MIS18A: variants seen among roughly 807,000 people sequenced by gnomAD.
MIS18A encodes MIS18 kinetochore protein A.
MIS18A carries 14 observed loss-of-function variants against 25.0 expected under a neutral mutation model. That is an observed-to-expected ratio of 0.56 (90% confidence interval 0.37 to 0.88). The LOEUF (loss-of-function observed/expected upper bound fraction) is 0.88, where lower values mean the gene tolerates loss of function less well. Ranked by LOEUF, MIS18A falls within the 40% of genes least tolerant of loss-of-function variation. The pLI is 0.00. For synonymous variants in MIS18A, 134 were observed against 118.6 expected, an observed-to-expected ratio of 1.13 and a Z score of -0.84; for missense variants, 292 against 290.8, an observed-to-expected ratio of 1.00 and a Z score of -0.03.
At chr21:32,257,489 G>C in the MIS18A span, among the ~76,000 whole-genome samples, 1 of 152,260 alleles carries the variant, frequency 6.6e-6, no homozygotes, top group South Asian at 2.1e-4. Flanking sequence ...TTGTGGTCTT[G>C]GTTCTCTAAT....
chr21:32,157,404 T>C, the MIS18A span, among the ~76,000 whole-genome samples: 1 of 151,754 alleles, frequency 6.6e-6, no homozygotes, highest in Non-Finnish European at 1.5e-5. Context: ...TGTCCATTAG[T>C]GATTGTTCAG....
chr21:32,163,465 C>CT, the MIS18A span, among the ~76,000 whole-genome samples: 1 of 152,208 alleles, frequency 6.6e-6, no homozygotes, highest in African/African-American at 2.4e-5. Context: ...TAGAAGGAGA[C>CT]TGGTGTCCAC....
chr21:32,239,612 C>A, the MIS18A span, among the ~76,000 whole-genome samples: 1 of 152,134 alleles, frequency 6.6e-6, no homozygotes, highest in African/African-American at 2.4e-5. Context: ...CAGGTATGTG[C>A]GAGCCGCCTC....
the MIS18A span, among the ~76,000 whole-genome samples, chr21:32,194,573 C>T: frequency 1.3e-5 from 2 of 151,908 alleles, no homozygotes; most frequent in Non-Finnish European, 2.9e-5. Flanking sequence ...GCAGGAGAAT[C>T]GCTTGAACCT....
chr21:32,223,808 T>C, the MIS18A span, among the ~76,000 whole-genome samples: 1 of 152,114 alleles, frequency 6.6e-6, no homozygotes, highest in Non-Finnish European at 1.5e-5. Context: ...TACCAAAACC[T>C]GACAGAGACA....
At chr21:32,222,503 G>A in the MIS18A span, among the ~76,000 whole-genome samples, 1 of 152,078 alleles carries the variant, frequency 6.6e-6, no homozygotes, top group African/African-American at 2.4e-5. Context: ...ATCTCAGCAC[G>A]ACATAGCACT....
chr21:32,196,252 A>G, the MIS18A span, among the ~76,000 whole-genome samples: 2 of 152,094 alleles, frequency 1.3e-5, no homozygotes, highest in African/African-American at 4.8e-5. Context: ...GGCGGAATAA[A>G]GGAGAATTTG....
At chr21:32,239,368 G>A in the MIS18A span, among the ~76,000 whole-genome samples, 1 of 152,174 alleles carries the variant, frequency 6.6e-6, no homozygotes, top group African/African-American at 2.4e-5. Context: ...AAGCATTTAT[G>A]CAATTTTTCA....
chr21:32,219,352 C>T, the MIS18A span, among the ~76,000 whole-genome samples: 14 of 152,168 alleles, frequency 9.2e-5, no homozygotes, highest in African/African-American at 3.4e-4. Context: ...TGGGGTGTTG[C>T]CTCACCCGGG....
At chr21:32,210,963 C>T in the MIS18A span, among the ~76,000 whole-genome samples, 1 of 152,140 alleles carries the variant, frequency 6.6e-6, no homozygotes, top group Non-Finnish European at 1.5e-5. Context: ...AGTCTGCCTC[C>T]GAAATAACTC....
chr21:32,155,491 A>G, the MIS18A span, among the ~76,000 whole-genome samples: 123 of 152,342 alleles, frequency 8.1e-4, 1 homozygote, highest in Admixed American at 2.3e-3. Context: ...GTTTGCTTGG[A>G]AGTAAAACAA....
the MIS18A span, among the ~76,000 whole-genome samples, chr21:32,244,722 G>A: frequency 6.6e-6 from 1 of 152,146 alleles, no homozygotes; most frequent in Non-Finnish European, 1.5e-5. Flanking sequence ...GGGCAACAGA[G>A]ATCCTGTCTC....
At chr21:32,258,310 C>T in the MIS18A span, among the ~76,000 whole-genome samples, 1 of 151,626 alleles carries the variant, frequency 6.6e-6, no homozygotes, top group African/African-American at 2.4e-5. Context: ...GGACGAATAC[C>T]GAAAAAGCTG....
At chr21:32,256,133 G>T in the MIS18A span, among the ~76,000 whole-genome samples, 3 of 152,076 alleles carry the variant, frequency 2.0e-5, no homozygotes, top group Non-Finnish European at 4.4e-5. Flanking sequence ...ACTATGTTGG[G>T]ATTGTTCTCC....
the MIS18A span, among the ~76,000 whole-genome samples, chr21:32,216,604 T>G: frequency 3.9e-5 from 6 of 152,226 alleles, no homozygotes; most frequent in Admixed American, 6.5e-5. Context: ...TTTTAAAAGC[T>G]CTGATATATT....
chr21:32,178,314 T>G, the MIS18A span, among the ~76,000 whole-genome samples: 2 of 152,362 alleles, frequency 1.3e-5, no homozygotes, highest in African/African-American at 4.8e-5. Context: ...GACATTTTCA[T>G]AGAAGAAATT....
the MIS18A span, among the ~76,000 whole-genome samples, chr21:32,190,847 ACCT>A: frequency 6.6e-6 from 1 of 151,986 alleles, no homozygotes; most frequent in Non-Finnish European, 1.5e-5. Context: ...CATTAATTCT[ACCT>A]CCTCCTGCTC....
chr21:32,194,620 T>C, the MIS18A span, among the ~76,000 whole-genome samples: 7 of 151,156 alleles, frequency 4.6e-5, no homozygotes, highest in African/African-American at 7.3e-5. Flanking sequence ...GATCGTGCCA[T>C]TGCACTCCAG....
the MIS18A span, among the ~76,000 whole-genome samples, chr21:32,237,002 G>T: frequency 6.6e-6 from 1 of 152,116 alleles, no homozygotes; most frequent in Non-Finnish European, 1.5e-5. Flanking sequence ...TGCCTCCATT[G>T]GATTGTATTA....
Sources: gnomAD v4.1 joint callset for allele counts (sites outside exome capture counted in the v4.1 genomes callset) on GRCh38, gnomAD v4.1.1 for gene constraint, MANE v1.5 for transcripts, NCBI Gene and HGNC (gene_info 2026-07-23, HGNC 2026-07-21) for gene names.